Variants in ARSG observed in about 807,000 individuals in gnomAD.
The protein encoded by ARSG is arylsulfatase G.
Under a neutral mutation model 50.5 loss-of-function variants are expected in ARSG, and 37 were observed. That is an observed-to-expected ratio of 0.73 (90% CI 0.56 to 0.96). ARSG has a LOEUF of 0.96. Ranked by LOEUF, ARSG falls within the 50% of genes least tolerant of loss-of-function variation. The pLI, the probability that ARSG is intolerant of heterozygous loss-of-function variation, is 0.00. For synonymous variants in ARSG, 225 were observed against 254.6 expected (o/e 0.88, Z 1.11); for missense variants, 629 against 675.3 (o/e 0.93, Z 0.76).
At chr17:68,315,225 G>A (rs1015965683) in intron 2 of ARSG, among the ~76,000 whole-genome samples, 5 of 152,120 alleles carry the variant, frequency 3.3e-5, no homozygotes, top group Admixed American at 6.5e-5. Context: ...ATCAAGATTT[G>A]GCCAGCTTTC....
rs1416594378 is a variant in ARSG at position 68,351,610 on chromosome 17, G to A, written c.490G>A (p.Asp164Asn). The A allele has an allele frequency of 1.2e-6, 2 of 1,612,670 alleles. No homozygotes were observed. The highest frequency in any genetic ancestry group is 2.2e-5 in the East Asian group (1 of 44,882). ...DYYFGIPYSH[D>N]MGCTDTPGYN... is the part of the protein sequence containing the mutation. Reference sequence around the variant, plus strand: ...CTACTTTGGAATCCCATATAGCCATGATATGGGCTGTACTGATACTCCAGG... The same window carrying A: ...CTACTTTGGAATCCCATATAGCCATAATATGGGCTGTACTGATACTCCAGG... The change falls in exon 5 of 12, where the codon GAT becomes AAT. Residue 164 changes from aspartate to asparagine, a missense_variant. Coordinates refer to ENST00000621439, the MANE Select transcript of ARSG (RefSeq NM_001267727.2).
the ARSG span, among the ~76,000 whole-genome samples, chr17:68,436,789 G>C: frequency 6.6e-6 from 1 of 152,208 alleles, no homozygotes; most frequent in African/African-American, 2.4e-5. Context: ...TTGAGGTCAG[G>C]AGTTCCAGAC....
At chr17:68,338,770 C>T (rs947634682) in intron 2 of ARSG, among the ~76,000 whole-genome samples, 2 of 152,134 alleles carry the variant, frequency 1.3e-5, no homozygotes, top group Non-Finnish European at 2.9e-5. Flanking sequence ...GCGCCCTGTT[C>T]GTAGTTCAAG....
chr17:68,444,359 C>G, the ARSG span: 1 of 763,218 alleles, frequency 1.3e-6, no homozygotes, highest in Non-Finnish European at 2.2e-6. Context: ...TAAGACAAAG[C>G]TTCGAGATAA....
At chr17:68,299,107 T>A (rs1393299372) in intron 1 of ARSG, among the ~76,000 whole-genome samples, 2 of 145,646 alleles carry the variant, frequency 1.4e-5, no homozygotes, top group Non-Finnish European at 3.0e-5. Context: ...GAACTTTTTT[T>A]TTTTTTTTTT....
chr17:68,409,769 C>A (rs2081919363), intron 11 of ARSG, among the ~76,000 whole-genome samples: 1 of 151,056 alleles, frequency 6.6e-6, no homozygotes, highest in Non-Finnish European at 1.5e-5. Context: ...GAATATTCTT[C>A]CATTTGTTCG....
chr17:68,273,810 T>C, intron 1 of ARSG: 1 of 1,254,618 alleles, frequency 8.0e-7, no homozygotes, highest in Non-Finnish European at 1.1e-6. Flanking sequence ...ACACTGTTAA[T>C]GTTAAAGAAA....
At chr17:68,426,556 A>T (rs181192691), downstream of ARSG, among the ~76,000 whole-genome samples, 1 of 152,174 alleles carries the variant, frequency 6.6e-6, no homozygotes, top group African/African-American at 2.4e-5. Flanking sequence ...TTTTTGAAAC[A>T]GAGTCTCACT....
chr17:68,446,373 C>T, the ARSG span, among the ~76,000 whole-genome samples: 13 of 151,972 alleles, frequency 8.6e-5, no homozygotes, highest in African/African-American at 2.2e-4. Context: ...TGTAGAGACC[C>T]GGGTTTCACT....
the ARSG span, among the ~76,000 whole-genome samples, chr17:68,434,940 G>A: frequency 1.3e-5 from 2 of 152,120 alleles, no homozygotes; most frequent in East Asian, 1.9e-4. Context: ...GGTGGCTCAC[G>A]CCTGTAATCC....
intron 10 of ARSG, among the ~76,000 whole-genome samples, chr17:68,398,322 T>C (rs2081337524): frequency 6.6e-6 from 1 of 152,212 alleles, no homozygotes; most frequent in African/African-American, 2.4e-5. Flanking sequence ...CATGTATACA[T>C]ATGCATATGT....
At position 68,399,982 on chromosome 17, in the gene ARSG, C is replaced by T. The variant is rs75750159; in HGVS notation, c.1213-1378C>T. Among the ~76,000 whole-genome samples the T allele has an allele frequency of 0.043, 6,528 of 152,286 alleles. 223 individuals are homozygous for T. The highest frequency in any genetic ancestry group is 0.068 in the Non-Finnish European group (4,624 of 68,014). ...TTGGAAGGAACCTGCTATCATCATG[C>T]GCGCCCTGGGTTTGTGCAGGGATTG... On this transcript the variant is annotated intron_variant, in intron 10 of 11. Coordinates refer to ENST00000621439, the MANE Select transcript of ARSG (RefSeq NM_001267727.2). This position sits in a 1 kb window ranked among gnomAD's most constrained non-coding sequence, Gnocchi z 4.6.
intron 8 of ARSG, among the ~76,000 whole-genome samples, chr17:68,372,965 C>A (rs1421594867): frequency 7.0e-6 from 1 of 142,838 alleles, no homozygotes; most frequent in East Asian, 2.2e-4. Flanking sequence ...GATCTTGGCT[C>A]ACTGCAGCCT....
At chr17:68,351,412 A>C (rs1307608837) in intron 4 of ARSG, among the ~76,000 whole-genome samples, 163 bp from the exon 5 acceptor site, 1 of 152,202 alleles carries the variant, frequency 6.6e-6, no homozygotes, top group African/African-American at 2.4e-5. Flanking sequence ...GTGATTTTCT[A>C]TGCATACTAC....
At chr17:68,369,416 T>C (rs1014858835) in intron 7 of ARSG, among the ~76,000 whole-genome samples, 14 of 152,172 alleles carry the variant, frequency 9.2e-5, no homozygotes, top group African/African-American at 3.4e-4. Context: ...GGCACACGCC[T>C]GTAGTCCCAG....
At chr17:68,434,234 G>A in the ARSG span, among the ~76,000 whole-genome samples, 5 of 152,110 alleles carry the variant, frequency 3.3e-5, no homozygotes, top group African/African-American at 9.7e-5. Context: ...ACTTTACATC[G>A]TCCTTTATTT....
Position 68,420,478 on chromosome 17 carries a change from T to G in ARSG, c.*15T>G. 5.0e-6 allele frequency: 8 copies of G among 1,603,190 alleles called. No homozygotes were observed. Among genetic ancestry groups the G allele is most frequent in the Non-Finnish European group, 6.8e-6 (8 of 1,171,794 alleles). On this transcript the variant is annotated 3_prime_UTR_variant, in exon 12 of 12. Coordinates refer to ENST00000621439, the MANE Select transcript of ARSG (RefSeq NM_001267727.2). ...AAGCCGCATAACAGACCAATTTTTA[T>G]TCCACGAGGAGGAGTACCTGGAAAT...
chr17:68,285,130 A>G (rs534971827), intron 1 of ARSG, among the ~76,000 whole-genome samples: 1 of 152,336 alleles, frequency 6.6e-6, no homozygotes, highest in South Asian at 2.1e-4. Flanking sequence ...TCCTATGTAA[A>G]TGATTCAACC....
At chr17:68,267,677 A>G (rs1246927775) in intron 1 of ARSG, 1 of 152,206 alleles carries the variant, frequency 6.6e-6, no homozygotes, top group Non-Finnish European at 1.5e-5. Context: ...AAGTCCACCT[A>G]TTATCCTGAC....
Sources: allele counts gnomAD v4.1 joint callset (sites outside exome capture counted in the v4.1 genomes callset), GRCh38; gene constraint gnomAD v4.1.1; non-coding constraint Gnocchi (gnomAD v3.1); transcripts MANE v1.5; gene names NCBI Gene and HGNC (gene_info 2026-07-23, HGNC 2026-07-21).